DYSF: variants seen among roughly 807,000 people sequenced by gnomAD.
DYSF encodes the protein dystrophy-associated fer-1-like 1.
DYSF carries 212 observed loss-of-function variants against 274.9 expected under a neutral mutation model. That is an observed-to-expected ratio of 0.77 (90% CI 0.69 to 0.86). The LOEUF is 0.86. DYSF is among the 40% of genes least tolerant of loss of function. The probability of loss-of-function intolerance (pLI) is 0.00; values close to 1 mark genes in which losing one functional copy is unlikely to be tolerated. For missense variants in DYSF, 2,666 were observed against 2,783.2 expected, an observed-to-expected ratio of 0.96 and a Z score of 0.95; for synonymous variants, 1,091 against 1,078.7, an observed-to-expected ratio of 1.01 and a Z score of -0.22.
At chr2:71,549,665 C>T (rs2090782831) in intron 17 of DYSF, among the ~76,000 whole-genome samples, 3 of 150,638 alleles carry the variant, frequency 2.0e-5, no homozygotes, top group African/African-American at 7.4e-5. Flanking sequence ...AGTTAGACCA[C>T]TCTGTCTGGT....
At chr2:71,467,531 T>C (rs2081621966) in intron 1 of DYSF, among the ~76,000 whole-genome samples, 1 of 152,186 alleles carries the variant, frequency 6.6e-6, no homozygotes, top group Non-Finnish European at 1.5e-5. Context: ...TTAGAATACA[T>C]ACAGGTATTT....
At chr2:71,533,485 G>A (rs554664043) in intron 14 of DYSF, among the ~76,000 whole-genome samples, 29 of 152,296 alleles carry the variant, frequency 1.9e-4, no homozygotes, top group Admixed American at 1.1e-3. Flanking sequence ...TTGTACGGAC[G>A]GACCATACTT....
At chr2:71,564,293 C>A in intron 24 of DYSF, 80 bp downstream of exon 24, 1 of 1,573,174 alleles carries the variant, frequency 6.4e-7, no homozygotes. Context: ...GTTTCCCCTC[C>A]TGTTCTTGAC....
chr2:71,493,440 T>C (rs1210897676), intron 3 of DYSF, among the ~76,000 whole-genome samples: 1 of 152,196 alleles, frequency 6.6e-6, no homozygotes, highest in African/African-American at 2.4e-5. Context: ...TGTTCCTCAT[T>C]TGGGATGTCA....
chr2:71,466,984 G>C (rs1425226849), intron 1 of DYSF, 51 bp downstream of exon 1: 2 of 1,533,114 alleles, frequency 1.3e-6, no homozygotes, highest in East Asian at 2.5e-5. Flanking sequence ...CCCGACTCTC[G>C]GCGCTCACTG....
intron 51 of DYSF, among the ~76,000 whole-genome samples, chr2:71,671,190 G>T (rs558884370): frequency 6.6e-6 from 1 of 152,320 alleles, no homozygotes; most frequent in South Asian, 2.1e-4. Context: ...ATTCAACAGG[G>T]TTAAGTGGAT....
intron 22 of DYSF, among the ~76,000 whole-genome samples, chr2:71,556,950 A>T (rs2152797572): frequency 6.6e-6 from 1 of 152,322 alleles, no homozygotes; most frequent in South Asian, 2.1e-4. Context: ...GAAACTGATA[A>T]CCATGGTCAC....
chr2:71,508,035 C>T (rs2085678306), intron 4 of DYSF, among the ~76,000 whole-genome samples: 1 of 152,186 alleles, frequency 6.6e-6, no homozygotes, highest in Non-Finnish European at 1.5e-5. Flanking sequence ...TGACCTCATG[C>T]TAATCTTGGA....
intron 41 of DYSF, among the ~76,000 whole-genome samples, chr2:71,621,583 T>G (rs1315838602): frequency 6.6e-6 from 1 of 150,822 alleles, no homozygotes; most frequent in African/African-American, 2.4e-5. Context: ...TTTTTTAAAT[T>G]TAAAAGTATA....
intron 16 of DYSF, among the ~76,000 whole-genome samples, chr2:71,535,767 T>C (rs544931611): frequency 6.6e-6 from 1 of 152,168 alleles, no homozygotes; most frequent in Admixed American, 6.5e-5. Context: ...GCCGACCAGA[T>C]TGCCTGAGCA....
chr2:71,569,756 G>A, intron 26 of DYSF, 64 bp from the exon 27 acceptor site: 1 of 1,391,282 alleles, frequency 7.2e-7, no homozygotes, highest in Non-Finnish European at 1.0e-6. Flanking sequence ...TCTCCAGGAG[G>A]TGGTAGATGG....
chr2:71,467,363 C>T (rs2081607704), intron 1 of DYSF, among the ~76,000 whole-genome samples: 1 of 151,726 alleles, frequency 6.6e-6, no homozygotes, highest in African/African-American at 2.4e-5. Context: ...CATTCATTCA[C>T]CCATCTTTAT....
upstream of DYSF, among the ~76,000 whole-genome samples, chr2:71,464,507 C>A (rs931642276): frequency 6.6e-6 from 1 of 152,204 alleles, no homozygotes; most frequent in Non-Finnish European, 1.5e-5. Flanking sequence ...GGAAGACATG[C>A]CAGCCAGAGG....
At chr2:71,474,739 T>G (rs993789713) in intron 1 of DYSF, among the ~76,000 whole-genome samples, 1 of 152,234 alleles carries the variant, frequency 6.6e-6, no homozygotes, top group African/African-American at 2.4e-5. Context: ...TGAGAGCTTT[T>G]ATTCTCCTCA....
intron 47 of DYSF, among the ~76,000 whole-genome samples, chr2:71,666,345 G>A (rs2095008060): frequency 1.3e-5 from 2 of 152,196 alleles, no homozygotes; most frequent in East Asian, 1.9e-4. Flanking sequence ...CCTGCCCAAC[G>A]TCACCCAACC....
In DYSF at chr2:71,517,059, GA is replaced by G; in HGVS notation, c.1002+23del. ...TTCCGGGTAATTGCTTATTTTCTAT[GA>G]AAGCAGTCAGTTCTCACTTCTCCGT... On this transcript the variant is annotated intron_variant, in intron 10 of 55. Coordinates refer to ENST00000410020, the MANE Select transcript of DYSF (RefSeq NM_001130987.2). 2 of 1,612,882 alleles carry G rather than the reference GA, an allele frequency of 1.2e-6. No homozygotes were observed. The highest frequency in any genetic ancestry group is 1.7e-6 in the Non-Finnish European group (2 of 1,178,896).
intron 42 of DYSF, among the ~76,000 whole-genome samples, chr2:71,653,571 A>G (rs2152934141): frequency 6.7e-6 from 1 of 150,368 alleles, no homozygotes; most frequent in African/African-American, 2.4e-5. Context: ...CAAAAAACCA[A>G]ACACCGCATG....
chr2:71,680,013 G>A (rs148823963), intron 53 of DYSF, among the ~76,000 whole-genome samples: 10 of 152,016 alleles, frequency 6.6e-5, no homozygotes, highest in Non-Finnish European at 1.2e-4. Flanking sequence ...TACTAAACCC[G>A]TATTATGTAC....
At chr2:71,520,634 A>G (rs1408564404) in intron 11 of DYSF, among the ~76,000 whole-genome samples, 155 bp from the exon 12 acceptor site, 1 of 152,156 alleles carries the variant, frequency 6.6e-6, no homozygotes, top group Non-Finnish European at 1.5e-5. Context: ...ATGAACACTC[A>G]AAGTACCTTT....
Sources: gnomAD v4.1 joint callset for allele counts (sites outside exome capture counted in the v4.1 genomes callset) on GRCh38, gnomAD v4.1.1 for gene constraint, MANE v1.5 for transcripts, NCBI Gene and HGNC (gene_info 2026-07-23, HGNC 2026-07-21) for gene names.